The following AATF variants were observed in gnomAD, a reference collection of about 807,000 sequenced individuals.
AATF encodes the protein protein AATF.
Under a neutral mutation model 63.7 loss-of-function variants are expected in AATF, and 48 were observed. That is an observed-to-expected ratio of 0.75 (90% CI 0.60 to 0.96). AATF has a LOEUF of 0.96. AATF is among the 40% of genes least tolerant of loss of function. AATF has a pLI of 0.00. For synonymous variants in AATF, 258 were observed against 247.7 expected, an observed-to-expected ratio of 1.04 and a Z score of -0.39; for missense variants, 639 against 685.7, an observed-to-expected ratio of 0.93 and a Z score of 0.76.
At chr17:36,968,363 C>T (rs1392944893) in intron 4 of AATF, among the ~76,000 whole-genome samples, 3 of 130,028 alleles carry the variant, frequency 2.3e-5, no homozygotes, top group Non-Finnish European at 4.7e-5. Flanking sequence ...CAGCCTTGGC[C>T]TCCTGGGCTC....
At chr17:36,991,634 G>A (rs1212441268) in intron 8 of AATF, among the ~76,000 whole-genome samples, 1 of 148,580 alleles carries the variant, frequency 6.7e-6, no homozygotes, top group African/African-American at 2.5e-5. Flanking sequence ...CACCCAGGCT[G>A]GAGTGCAGTG....
At chr17:36,970,535 T>TTTC (rs1210823087) in intron 4 of AATF, among the ~76,000 whole-genome samples, 6 of 97,108 alleles carry the variant, frequency 6.2e-5, no homozygotes, top group African/African-American at 3.2e-4. Context: ...TCTTTCTTTC[T>TTTC]TTTTTCTTTT....
At chr17:37,017,219 G>A (rs1258699754) in intron 8 of AATF, among the ~76,000 whole-genome samples, 1 of 152,210 alleles carries the variant, frequency 6.6e-6, no homozygotes. Context: ...GGAAAACCAG[G>A]AACGGTTGTT....
chr17:36,964,148 T>C (rs2070971720), intron 4 of AATF, among the ~76,000 whole-genome samples: 1 of 149,794 alleles, frequency 6.7e-6, no homozygotes, highest in Admixed American at 6.7e-5. Flanking sequence ...GTGAAGGATG[T>C]GGTCAAAAGA....
At chr17:37,030,462 A>G (rs2071543886) in intron 10 of AATF, among the ~76,000 whole-genome samples, 2 of 152,124 alleles carry the variant, frequency 1.3e-5, no homozygotes, top group South Asian at 4.1e-4. Context: ...TATTTTATGT[A>G]TATAGAGAGG....
At chr17:37,014,267 G>GTAATAATAA (rs71368437) in intron 8 of AATF, among the ~76,000 whole-genome samples, 3,217 of 145,048 alleles carry the variant, frequency 0.022, 122 homozygotes, top group African/African-American at 0.075. Context: ...GACTGTCTTA[G>GTAATAATAA]TAATAATAAT....
At chr17:37,046,264 C>T (rs532667020) in intron 11 of AATF, among the ~76,000 whole-genome samples, 5 of 152,044 alleles carry the variant, frequency 3.3e-5, no homozygotes, top group Admixed American at 1.3e-4. Flanking sequence ...AGCGGGGACT[C>T]GGGCTCTGGG....
chr17:36,993,827 T>A (rs903725310), intron 8 of AATF, among the ~76,000 whole-genome samples: 1 of 152,168 alleles, frequency 6.6e-6, no homozygotes, highest in Non-Finnish European at 1.5e-5. Context: ...CTTGGTTAAT[T>A]CAGGTGTCTT....
chr17:36,958,407 C>T (rs902602015), intron 4 of AATF, among the ~76,000 whole-genome samples: 2 of 152,082 alleles, frequency 1.3e-5, no homozygotes, highest in Admixed American at 1.3e-4. Flanking sequence ...TCTTGTGATC[C>T]ACCCACCTTG....
chr17:37,036,915 G>A (rs888897903), intron 11 of AATF, among the ~76,000 whole-genome samples: 9 of 152,022 alleles, frequency 5.9e-5, no homozygotes, highest in African/African-American at 2.2e-4. Flanking sequence ...CAAGGGAGGA[G>A]GTTACCATAA....
At chr17:37,008,181 C>G (rs2071356509) in intron 8 of AATF, among the ~76,000 whole-genome samples, 1 of 152,174 alleles carries the variant, frequency 6.6e-6, no homozygotes, top group African/African-American at 2.4e-5. Context: ...GGTTTAGGGA[C>G]TATCTATGAG....
At chr17:36,980,447 T>G (rs992248759) in intron 4 of AATF, 1 of 152,230 alleles carries the variant, frequency 6.6e-6, no homozygotes, top group African/African-American at 2.4e-5. Flanking sequence ...TGTGGCCATG[T>G]GCCAAGAGGG....
chr17:37,028,718 A>G (rs1336526204), intron 10 of AATF, among the ~76,000 whole-genome samples: 1 of 152,142 alleles, frequency 6.6e-6, no homozygotes, highest in Non-Finnish European at 1.5e-5. Context: ...CCTGCGAGTC[A>G]GAGGTTGCAG....
intron 10 of AATF, among the ~76,000 whole-genome samples, chr17:37,029,300 G>A (rs1022497929): frequency 1.3e-5 from 2 of 151,928 alleles, no homozygotes; most frequent in Non-Finnish European, 2.9e-5. Flanking sequence ...CTGGAGTGCA[G>A]TGGCCTGATC....
At chr17:37,052,559 A>ACC (rs2071761702) in intron 11 of AATF, 1 of 152,230 alleles carries the variant, frequency 6.6e-6, no homozygotes, top group African/African-American at 2.4e-5. Context: ...CTCAGTCTTC[A>ACC]CACTGGGGTA....
intron 8 of AATF, among the ~76,000 whole-genome samples, chr17:37,016,857 C>A (rs182611491): frequency 1.3e-5 from 2 of 152,150 alleles, no homozygotes; most frequent in Admixed American, 1.3e-4. Context: ...CTTTTTCTTA[C>A]CATGGACACA....
intron 11 of AATF, among the ~76,000 whole-genome samples, chr17:37,053,033 C>T (rs2071766356): frequency 6.6e-6 from 1 of 152,106 alleles, no homozygotes; most frequent in South Asian, 2.1e-4. Flanking sequence ...AATCAAGTGG[C>T]ATTGCTATGC....
chr17:36,987,849 T>C (rs2071181138), intron 5 of AATF, among the ~76,000 whole-genome samples: 1 of 152,226 alleles, frequency 6.6e-6, no homozygotes, highest in South Asian at 2.1e-4. Flanking sequence ...GATTTGAGGA[T>C]TAAGGTCGTA....
chr17:36,954,620 G>T (rs1264607599), intron 4 of AATF, among the ~76,000 whole-genome samples: 1 of 152,178 alleles, frequency 6.6e-6, no homozygotes, highest in Non-Finnish European at 1.5e-5. Context: ...TTTTAGAGGA[G>T]AATTACTGAG....
Sources: allele counts gnomAD v4.1 joint callset (sites outside exome capture counted in the v4.1 genomes callset), GRCh38; gene constraint gnomAD v4.1.1; transcripts MANE v1.5; gene names NCBI Gene and HGNC (gene_info 2026-07-23, HGNC 2026-07-21).